The following EPHB1 variants were observed in gnomAD, a reference collection of about 807,000 sequenced individuals.
EPHB1 encodes ephrin type-B receptor 1.
A neutral mutation model predicts 94.4 loss-of-function variants in EPHB1; 30 were observed. The observed-to-expected ratio is 0.32, with a 90% CI of 0.24 to 0.43. The LOEUF (loss-of-function observed/expected upper bound fraction) is 0.43. EPHB1 is among the 20% of genes least tolerant of loss of function. The pLI is 1.00. For synonymous variants in EPHB1, 522 were observed against 489.1 expected (o/e 1.07, Z -0.89); for missense variants, 1,055 against 1,308.3 (o/e 0.81, Z 2.99).
chr3:135,104,934 G>A (rs1452173929), intron 3 of EPHB1, among the ~76,000 whole-genome samples: 3 of 152,172 alleles, frequency 2.0e-5, no homozygotes, highest in African/African-American at 7.2e-5. Context: ...AAAAGCAGTG[G>A]ATATTTTTCA....
chr3:134,914,917 G>A (rs750730880), intron 1 of EPHB1, among the ~76,000 whole-genome samples: 1 of 152,116 alleles, frequency 6.6e-6, no homozygotes, highest in Non-Finnish European at 1.5e-5. Context: ...TGTCCTATAG[G>A]CTCCTGCTGG....
intron 1 of EPHB1, among the ~76,000 whole-genome samples, chr3:134,851,959 A>T (rs1401852503): frequency 6.6e-6 from 1 of 152,170 alleles, no homozygotes; most frequent in Non-Finnish European, 1.5e-5. Context: ...ATCTTAATGC[A>T]TCCTTCTTTG....
At position 134,795,562 on chromosome 3, in the gene EPHB1, C is replaced by G; in HGVS notation, c.-70C>G. 8.1e-6 allele frequency: 12 copies of G among 1,490,106 alleles called. No individual in the cohort carries two copies. The highest frequency in any genetic ancestry group is 1.2e-5 in the South Asian group (1 of 86,238). 92.3% of individuals were successfully genotyped at this position (1,490,106 alleles called of 1,614,324 possible). On this transcript the variant is annotated 5_prime_UTR_variant, in exon 1 of 16. Transcript: ENST00000398015. Reference sequence around the variant, plus strand: ...GCCACCCGCGGAGAGCGCAGCGGCGCCCTGGGACGCGGCGCTCTCCCGGCG... The same window carrying G: ...GCCACCCGCGGAGAGCGCAGCGGCGGCCTGGGACGCGGCGCTCTCCCGGCG...
At chr3:134,873,687 G>T (rs1306039343) in intron 1 of EPHB1, among the ~76,000 whole-genome samples, 2 of 152,174 alleles carry the variant, frequency 1.3e-5, no homozygotes, top group Non-Finnish European at 2.9e-5. Context: ...TAGTGCCATG[G>T]GCCAGAGGGC....
chr3:134,926,232 G>C (rs1203771978), intron 2 of EPHB1, among the ~76,000 whole-genome samples: 1 of 152,244 alleles, frequency 6.6e-6, no homozygotes, highest in Non-Finnish European at 1.5e-5. Flanking sequence ...CATGAGGGAG[G>C]AGGTAGAGTT....
intron 1 of EPHB1, among the ~76,000 whole-genome samples, chr3:134,816,796 C>T (rs965288643): frequency 3.9e-5 from 6 of 151,998 alleles, no homozygotes; most frequent in South Asian, 2.1e-4. Flanking sequence ...TATTCAGGCA[C>T]GTGTGCTGGG....
At chr3:134,979,189 A>T (rs1934311188) in intron 3 of EPHB1, among the ~76,000 whole-genome samples, 1 of 152,208 alleles carries the variant, frequency 6.6e-6, no homozygotes, top group Admixed American at 6.5e-5. Context: ...AGAGAAGTGT[A>T]TTTGAACTAT....
intron 1 of EPHB1, among the ~76,000 whole-genome samples, chr3:134,884,488 C>T (rs1033257599): frequency 6.6e-6 from 1 of 152,088 alleles, no homozygotes; most frequent in Non-Finnish European, 1.5e-5. Context: ...TTGAGAAATT[C>T]GTTTGATCAG....
intron 1 of EPHB1, among the ~76,000 whole-genome samples, chr3:134,874,462 A>G (rs1438382630): frequency 6.6e-6 from 1 of 152,236 alleles, no homozygotes; most frequent in African/African-American, 2.4e-5. Context: ...TGATGTGCAC[A>G]TGTATCCCCC....
intron 1 of EPHB1, among the ~76,000 whole-genome samples, chr3:134,918,509 A>T (rs575625616): frequency 6.6e-6 from 1 of 152,242 alleles, no homozygotes; most frequent in African/African-American, 2.4e-5. Context: ...GTAAAGCAGC[A>T]TAGTAATAAT....
chr3:134,937,995 T>G (rs1161584933), intron 2 of EPHB1, among the ~76,000 whole-genome samples: 3 of 149,940 alleles, frequency 2.0e-5, no homozygotes, highest in Non-Finnish European at 3.0e-5. Context: ...GGCGATGAGT[T>G]GGGGAAATGG....
At position 135,169,575 on chromosome 3, in the gene EPHB1, G is replaced by A. The variant is rs112690732; in HGVS notation, c.1759+2569G>A. On this transcript the variant is annotated intron_variant, in intron 9 of 15. Transcript: ENST00000398015. ...AAGCTATTACTGTTGGAGAATCATGGTCAAAGGAATGTAGAGCTGGCGGAT... is the reference window on the plus strand; with the variant it reads ...AAGCTATTACTGTTGGAGAATCATGATCAAAGGAATGTAGAGCTGGCGGAT... Among the ~76,000 whole-genome samples, 924 of 152,272 alleles carry A rather than the reference G, an allele frequency of 6.1e-3. 4 individuals are homozygous for A. The highest frequency in any genetic ancestry group is 9.0e-3 in the Non-Finnish European group (612 of 68,026).
intron 3 of EPHB1, among the ~76,000 whole-genome samples, chr3:135,075,559 G>A (rs1015501462): frequency 1.3e-5 from 2 of 152,138 alleles, no homozygotes; most frequent in African/African-American, 4.8e-5. Flanking sequence ...TCCCACACTA[G>A]CTGCCAACAG....
intron 1 of EPHB1, among the ~76,000 whole-genome samples, chr3:134,914,044 T>C (rs552578905): frequency 1.8e-4 from 27 of 150,840 alleles, no homozygotes; most frequent in African/African-American, 5.8e-4. Flanking sequence ...TGTGCAGGAG[T>C]TGGCTGTGGA....
intron 3 of EPHB1, among the ~76,000 whole-genome samples, chr3:135,085,980 A>G (rs1353390002): frequency 6.6e-6 from 1 of 152,126 alleles, no homozygotes; most frequent in Non-Finnish European, 1.5e-5. Context: ...AGCTGAGGGG[A>G]GGCCTCCCCA....
At chr3:135,220,858 G>A (rs1406896078) in intron 12 of EPHB1, among the ~76,000 whole-genome samples, 1 of 152,228 alleles carries the variant, frequency 6.6e-6, no homozygotes, top group Non-Finnish European at 1.5e-5. Flanking sequence ...GAGAGGACAA[G>A]AATACCTGCC....
At chr3:134,920,449 C>T (rs570396125) in intron 1 of EPHB1, among the ~76,000 whole-genome samples, 132 of 152,204 alleles carry the variant, frequency 8.7e-4, no homozygotes, top group Middle Eastern at 3.4e-3. Flanking sequence ...AATGACTGTA[C>T]GGTGGCGCTA....
rs185046953 is a variant in EPHB1 at position 135,247,566 on chromosome 3, A to G, written c.2497-750A>G. Among the ~76,000 whole-genome samples the G allele has an allele frequency of 1.5e-3, 228 of 152,376 alleles. 2 individuals carry two copies. Among genetic ancestry groups the G allele is most frequent in the African/African-American group, 5.3e-3 (221 of 41,590 alleles). On this transcript the variant is annotated intron_variant, in intron 13 of 15. Coordinates refer to ENST00000398015, the MANE Select transcript of EPHB1 (RefSeq NM_004441.5). Reference sequence around the variant, plus strand: ...TAAGATGTACTGGATGAAAAAACACAAAGATCTGAAAAACAGACAATGTAC... The same window carrying G: ...TAAGATGTACTGGATGAAAAAACACGAAGATCTGAAAAACAGACAATGTAC...
chr3:135,048,862 A>G (rs145323372), intron 3 of EPHB1, among the ~76,000 whole-genome samples: 9 of 152,310 alleles, frequency 5.9e-5, no homozygotes, highest in African/African-American at 1.9e-4. Flanking sequence ...TGCCCAACCA[A>G]TAGTCAGTTA....
Sources: allele counts gnomAD v4.1 joint callset (sites outside exome capture counted in the v4.1 genomes callset), GRCh38; gene constraint gnomAD v4.1.1; transcripts MANE v1.5; gene names NCBI Gene and HGNC (gene_info 2026-07-23, HGNC 2026-07-21).